MRPS28: variants seen among roughly 807,000 people sequenced by gnomAD.
MRPS28 encodes small ribosomal subunit protein bS1m.
MRPS28 carries 7 observed loss-of-function variants against 10.8 expected under a neutral mutation model. The ratio of observed to expected loss-of-function variants is 0.65; its 90% CI spans 0.37 to 1.22. The LOEUF (loss-of-function observed/expected upper bound fraction) is 1.22, where lower values mean the gene tolerates loss of function less well. Among genes scored for constraint, MRPS28 ranks in the 50% most tolerant of loss-of-function variants. The pLI, the probability that MRPS28 is intolerant of heterozygous loss-of-function variation, is 0.02. For synonymous variants in MRPS28, 121 were observed against 93.3 expected (o/e 1.30, Z -1.71); for missense variants, 265 against 232.9 (o/e 1.14, Z -0.90).
At chr8:80,003,991 G>A (rs1442955831) in intron 1 of MRPS28, among the ~76,000 whole-genome samples, 2 of 152,208 alleles carry the variant, frequency 1.3e-5, no homozygotes, top group African/African-American at 2.4e-5. Flanking sequence ...CAGTCAGGAA[G>A]CTCCAACTGG....
intron 2 of MRPS28, among the ~76,000 whole-genome samples, chr8:79,935,830 G>T (rs1185242635): frequency 1.3e-5 from 2 of 151,908 alleles, no homozygotes; most frequent in East Asian, 3.9e-4. Flanking sequence ...AGACTTTTCT[G>T]GTATGTTTGC....
intron 2 of MRPS28, among the ~76,000 whole-genome samples, chr8:80,000,383 T>C (rs1440068345): frequency 6.6e-6 from 1 of 152,180 alleles, no homozygotes; most frequent in African/African-American, 2.4e-5. Context: ...TGTAGGCATA[T>C]AACTCTCCTA....
intron 1 of MRPS28, 43 bp from the exon 2 acceptor site, chr8:80,003,223 G>T: frequency 7.5e-7 from 1 of 1,330,584 alleles, no homozygotes; most frequent in Non-Finnish European, 9.9e-7. Context: ...AACTCAACAT[G>T]AAGGTATAAT....
intron 2 of MRPS28, among the ~76,000 whole-genome samples, chr8:79,920,709 T>C (rs1181109445): frequency 6.6e-6 from 1 of 152,202 alleles, no homozygotes; most frequent in African/African-American, 2.4e-5. Flanking sequence ...GAGGAGTAGA[T>C]TGCAAAAATT....
intron 2 of MRPS28, among the ~76,000 whole-genome samples, chr8:79,965,004 G>T (rs1258753546): frequency 6.6e-6 from 1 of 152,080 alleles, no homozygotes; most frequent in Admixed American, 6.6e-5. Context: ...GTAAGTAGAT[G>T]AATTCAAGCT....
chr8:79,925,522 T>G (rs1434442542), intron 2 of MRPS28, among the ~76,000 whole-genome samples: 1 of 152,236 alleles, frequency 6.6e-6, no homozygotes, highest in African/African-American at 2.4e-5. Flanking sequence ...AGAAGTTTTG[T>G]CTCTTGTTCA....
intron 2 of MRPS28, among the ~76,000 whole-genome samples, chr8:79,949,698 G>GAAAAAAAT (rs1807032613): frequency 6.6e-6 from 1 of 151,974 alleles, no homozygotes; most frequent in Non-Finnish European, 1.5e-5. Flanking sequence ...TCATATGACA[G>GAAAAAAAT]AAAAAAATAA....
chr8:79,967,863 C>T (rs1296836807), intron 2 of MRPS28, among the ~76,000 whole-genome samples: 1 of 151,858 alleles, frequency 6.6e-6, no homozygotes, highest in Non-Finnish European at 1.5e-5. Context: ...CTGATACATG[C>T]TATTAGTATA....
chr8:79,930,394 GCACTA>G (rs1238738481), intron 2 of MRPS28, among the ~76,000 whole-genome samples: 7 of 152,150 alleles, frequency 4.6e-5, no homozygotes, highest in Non-Finnish European at 1.0e-4. Flanking sequence ...TTGTAACACT[GCACTA>G]CACTAAACAC....
At chr8:79,961,659 G>A (rs529771974) in intron 2 of MRPS28, among the ~76,000 whole-genome samples, 2 of 152,102 alleles carry the variant, frequency 1.3e-5, no homozygotes, top group African/African-American at 4.8e-5. Context: ...AAACAAAAGA[G>A]TGGCTTAATT....
rs556341170 is a variant in MRPS28 at position 79,925,823 on chromosome 8, C to G, written c.396-6675G>C. 2.9e-4 allele frequency among the ~76,000 whole-genome samples: 44 copies of G among 151,868 alleles called. No individual in the cohort carries two copies. In the East Asian group the frequency reaches 5.8e-3, roughly 20 times the overall value. ...GCAACATGGCAAAATCCCATCTCTA[C>G]AAAAAATACAGAAATTAGCTAGGCA... On this transcript the variant is annotated intron_variant, in intron 2 of 2. Transcript: ENST00000276585.
intron 2 of MRPS28, among the ~76,000 whole-genome samples, chr8:79,931,979 G>C (rs1271858733): frequency 6.6e-6 from 1 of 152,212 alleles, no homozygotes; most frequent in Non-Finnish European, 1.5e-5. Flanking sequence ...GGGCCCAAGT[G>C]ACTGAGGATA....
intron 1 of MRPS28, chr8:80,029,743 G>A (rs2130269264): frequency 6.8e-7 from 1 of 1,463,552 alleles, no homozygotes; most frequent in African/African-American, 1.4e-5. Flanking sequence ...CTCCCCAGCA[G>A]CGCTCCCCGC....
rs750769175 is a variant in MRPS28 at position 80,002,987 on chromosome 8, G to T, written c.395+12C>A. On this transcript the variant is annotated intron_variant, in intron 2 of 2. Coordinates refer to ENST00000276585, the MANE Select transcript of MRPS28 (RefSeq NM_014018.3). ...GAATACTCTTAAGGTACTTGGAAAT[G>T]ATTTTACTTACTCTCCATCCACTTC... The T allele has an allele frequency of 6.5e-7, 1 of 1,546,368 alleles. No homozygotes were observed. Among genetic ancestry groups the T allele is most frequent in the Non-Finnish European group, 8.7e-7 (1 of 1,150,442 alleles).
rs182734766 is a variant in MRPS28, at chr8:80,006,519, G to A, written c.214-3339C>T. On this transcript the variant is annotated intron_variant, in intron 1 of 2. Transcript: ENST00000276585. ...AAAGGATCAACAAAATTGATAGACCGCTAGCAAGGCTAATAAAGAAGAAAA... is the reference window on the plus strand; with the variant it reads ...AAAGGATCAACAAAATTGATAGACCACTAGCAAGGCTAATAAAGAAGAAAA... 7.5e-3 allele frequency among the ~76,000 whole-genome samples: 1,145 copies of A among 152,172 alleles called. 13 individuals carry two copies. The highest frequency in any genetic ancestry group is 0.025 in the African/African-American group (1,058 of 41,514).
intron 2 of MRPS28, among the ~76,000 whole-genome samples, chr8:79,926,442 C>T (rs10108249): frequency 0.01 from 1,576 of 152,256 alleles, 23 homozygotes; most frequent in African/African-American, 0.036. Flanking sequence ...AGGCTTAAGG[C>T]ATTAAGGTAT....
intron 2 of MRPS28, among the ~76,000 whole-genome samples, chr8:79,979,500 A>G (rs952613311): frequency 6.6e-6 from 1 of 152,148 alleles, no homozygotes; most frequent in Non-Finnish European, 1.5e-5. Flanking sequence ...AATAAAAAAT[A>G]AATTTTAAAA....
At chr8:79,964,087 A>T (rs1162878843) in intron 2 of MRPS28, among the ~76,000 whole-genome samples, 7 of 152,094 alleles carry the variant, frequency 4.6e-5, no homozygotes, top group African/African-American at 1.7e-4. Flanking sequence ...GAGGTTGGGC[A>T]CAAAGAGAAA....
chr8:79,935,276 T>C (rs1390648087), intron 2 of MRPS28, among the ~76,000 whole-genome samples: 2 of 152,244 alleles, frequency 1.3e-5, no homozygotes, highest in East Asian at 3.8e-4. Context: ...TAGTACTGTA[T>C]GGCTGCCAAG....
Sources: allele counts gnomAD v4.1 joint callset (sites outside exome capture counted in the v4.1 genomes callset), GRCh38; gene constraint gnomAD v4.1.1; transcripts MANE v1.5; gene names NCBI Gene and HGNC (gene_info 2026-07-23, HGNC 2026-07-21).